EML4: variants seen among roughly 807,000 people sequenced by gnomAD.
The protein encoded by EML4 is EMAP like 4, also known as echinoderm microtubule-associated protein-like 4.
EML4 carries 72 observed loss-of-function variants against 129.0 expected under a neutral mutation model. The ratio of observed to expected loss-of-function variants is 0.56; its 90% confidence interval spans 0.46 to 0.68. EML4 has a LOEUF of 0.68. EML4 is among the 30% of genes least tolerant of loss of function. The pLI is 0.00. For synonymous variants in EML4, 532 were observed against 405.0 expected (o/e 1.31, Z -3.77); for missense variants, 1,363 against 1,190.6 (o/e 1.14, Z -2.13).
At chr2:42,327,518 C>T (rs1669871093) in intron 21 of EML4, among the ~76,000 whole-genome samples, 2 of 152,102 alleles carry the variant, frequency 1.3e-5, no homozygotes, top group Admixed American at 6.5e-5. Context: ...TATTATTTTG[C>T]GTGTGGATGT....
rs373483269 is a variant in EML4, at chr2:42,329,954, C to T, written c.2693C>T (p.Pro898Leu). The T allele has an allele frequency of 1.9e-5, 31 of 1,613,898 alleles. No homozygotes were observed. The African/African-American group carries it at 3.9e-4, about 20-fold the overall frequency. The change falls in exon 23 of 23, where the codon CCC becomes CTC. Residue 898 changes from proline to leucine, a missense_variant. Transcript: ENST00000318522. ...STESVIQSNT[P>L]TPPPSQPLNE... ...GAAAGTGTCATCCAATCTAATACTCCCACACCGCCTCCTTCTCAGCCCTTA... is the reference window on the plus strand; with the variant it reads ...GAAAGTGTCATCCAATCTAATACTCTCACACCGCCTCCTTCTCAGCCCTTA...
intron 1 of EML4, among the ~76,000 whole-genome samples, chr2:42,241,642 C>CAGT (rs1432765005): frequency 6.6e-6 from 1 of 152,126 alleles, no homozygotes; most frequent in Non-Finnish European, 1.5e-5. Context: ...TTAAATCACT[C>CAGT]AGTAGTTTAA....
At chr2:42,308,992 A>G (rs1001365849) in intron 17 of EML4, among the ~76,000 whole-genome samples, 3 of 152,162 alleles carry the variant, frequency 2.0e-5, no homozygotes, top group Non-Finnish European at 4.4e-5. Flanking sequence ...GGTTATTTCC[A>G]CTTTTTGGCT....
intron 6 of EML4, among the ~76,000 whole-genome samples, chr2:42,268,868 A>G (rs1489735079): frequency 2.0e-5 from 3 of 152,190 alleles, no homozygotes; most frequent in Admixed American, 6.5e-5. Context: ...TAGAACTTCA[A>G]ACTAGGCCTG....
intron 1 of EML4, among the ~76,000 whole-genome samples, chr2:42,174,527 G>T (rs1670480097): frequency 6.6e-6 from 1 of 152,100 alleles, no homozygotes; most frequent in African/African-American, 2.4e-5. Flanking sequence ...CTGACCTCGG[G>T]TGATGGCCAC....
At chr2:42,231,215 A>G (rs1375278717) in intron 1 of EML4, among the ~76,000 whole-genome samples, 2 of 152,170 alleles carry the variant, frequency 1.3e-5, no homozygotes, top group South Asian at 2.1e-4. Flanking sequence ...GTCTTTTGAT[A>G]TCTTTGCAGT....
Position 42,263,178 on chromosome 2 carries a change from C to A in EML4, c.513C>A (p.Ser171Arg), listed in dbSNP as rs1218842302. The change falls in exon 5 of 23, where the codon AGC (serine) becomes AGA (arginine). Residue 171 changes from serine to arginine, a missense_variant and splice_region_variant. Transcript: ENST00000318522. The part of the protein sequence containing the change: ...PESKNATPTK[S>R]IKRPSPAEKS... ...TCTAAGAAATTAATGTTCCTTCTAG[C>A]ATAAAACGACCATCACCAGCTGAAA... The A allele has an allele frequency of 6.2e-7, 1 of 1,609,502 alleles. No individual in the cohort carries two copies. Among genetic ancestry groups the A allele is most frequent in the Admixed American group, 1.7e-5 (1 of 59,018 alleles).
At position 42,169,605 on chromosome 2, in the gene EML4, C is replaced by T. The variant is rs780458662; in HGVS notation, c.-7C>T. ...CTAAGCCCGGAGCCCGGCGCTTTCC[C>T]CGCAAGATGGACGGTTTCGCCGGCA... On this transcript the variant is annotated 5_prime_UTR_variant, in exon 1 of 23. Transcript: ENST00000318522. The T allele has an allele frequency of 2.5e-6, 4 of 1,599,580 alleles. No homozygotes were observed. Among genetic ancestry groups the T allele is most frequent in the Admixed American group, 3.4e-5 (2 of 58,854 alleles).
At chr2:42,183,722 T>C (rs769828846) in intron 1 of EML4, among the ~76,000 whole-genome samples, 1 of 152,160 alleles carries the variant, frequency 6.6e-6, no homozygotes, top group Non-Finnish European at 1.5e-5. Context: ...ACCTTTATGG[T>C]TGGACATATA....
rs369091519 is a variant in EML4 at position 42,280,846 on chromosome 2, A to G, written c.668-4A>G. The G allele has an allele frequency of 4.6e-5, 73 of 1,602,162 alleles. No individual in the cohort carries two copies. The African/African-American group carries it at 8.5e-4, about 19-fold the overall frequency. ...GACTTAACTTTTGTCTTGTGTTTCA[A>G]CAGAAGGAGAATATATTAAAATGTT... On this transcript the variant is annotated splice_region_variant and splice_polypyrimidine_tract_variant and intron_variant, in intron 6 of 22. Transcript: ENST00000318522.
chr2:42,243,662 A>G (rs1675183328), intron 1 of EML4, among the ~76,000 whole-genome samples: 1 of 152,252 alleles, frequency 6.6e-6, no homozygotes, highest in Admixed American at 6.5e-5. Context: ...TACGTCTCAA[A>G]GATAAGACTG....
intron 11 of EML4, 115 bp downstream of exon 11, chr2:42,288,437 C>T: frequency 2.1e-6 from 1 of 479,940 alleles, no homozygotes; most frequent in Admixed American, 3.7e-5. Flanking sequence ...AGCAGATCTA[C>T]TAGCCAAATT....
intron 1 of EML4, among the ~76,000 whole-genome samples, chr2:42,199,170 G>A (rs908412926): frequency 3.3e-5 from 5 of 152,138 alleles, no homozygotes; most frequent in African/African-American, 1.2e-4. Flanking sequence ...TAAGGGCTTG[G>A]GGTTATGGGC....
intron 2 of EML4, among the ~76,000 whole-genome samples, chr2:42,252,535 A>T (rs71441187): frequency 0.31 from 47,748 of 152,040 alleles, 8,241 homozygotes; most frequent in East Asian, 0.57. Flanking sequence ...GTGGTTCTTT[A>T]TTCTTTATAG....
intron 20 of EML4, 68 bp downstream of exon 20, chr2:42,325,622 ATAT>A (rs1669766097): frequency 9.0e-6 from 1 of 111,034 alleles, no homozygotes. Flanking sequence ...ATATATATAT[ATAT>A]ATATATATAT....
intron 13 of EML4, among the ~76,000 whole-genome samples, chr2:42,296,181 G>A (rs1043035005): frequency 2.0e-5 from 3 of 152,102 alleles, no homozygotes; most frequent in Non-Finnish European, 4.4e-5. Context: ...AATGTCCAGA[G>A]TACCATGTAC....
intron 2 of EML4, among the ~76,000 whole-genome samples, chr2:42,255,825 C>A (rs1676107823): frequency 6.6e-6 from 1 of 152,154 alleles, no homozygotes; most frequent in African/African-American, 2.4e-5. Flanking sequence ...GTTATACCAC[C>A]ATGTGTGGAA....
chr2:42,327,494 T>C (rs980240238), intron 21 of EML4, among the ~76,000 whole-genome samples: 1 of 152,238 alleles, frequency 6.6e-6, no homozygotes, highest in Admixed American at 6.5e-5. Flanking sequence ...CATGTCCTTG[T>C]CAGTGTATTT....
chr2:42,251,965 A>G (rs139873010), intron 2 of EML4, among the ~76,000 whole-genome samples: 27 of 152,374 alleles, frequency 1.8e-4, no homozygotes, highest in African/African-American at 6.3e-4. Flanking sequence ...CTGAGAAACA[A>G]TTTCAATTTA....
Sources: gnomAD v4.1 joint callset for allele counts (sites outside exome capture counted in the v4.1 genomes callset) on GRCh38, gnomAD v4.1.1 for gene constraint, MANE v1.5 for transcripts, NCBI Gene and HGNC (gene_info 2026-07-23, HGNC 2026-07-21) for gene names.